ADGRE2: variants seen among roughly 807,000 people sequenced by gnomAD.
ADGRE2 encodes the protein CD97 antigen.
Under a neutral mutation model 100.8 loss-of-function variants are expected in ADGRE2, and 83 were observed. That is an observed-to-expected ratio of 0.82 (90% CI 0.69 to 0.99). The LOEUF (loss-of-function observed/expected upper bound fraction) is 0.99. ADGRE2 is among the 50% of genes least tolerant of loss of function. The pLI, the probability that ADGRE2 is intolerant of heterozygous loss-of-function variation, is 0.00. For missense variants in ADGRE2, 814 were observed against 1,035.7 expected, an observed-to-expected ratio of 0.79 and a Z score of 2.94; for synonymous variants, 355 against 413.0, an observed-to-expected ratio of 0.86 and a Z score of 1.70.
chr19:14,753,154 C>T (rs1450094783), intron 14 of ADGRE2, among the ~76,000 whole-genome samples: 1 of 151,934 alleles, frequency 6.6e-6, no homozygotes, highest in Non-Finnish European at 1.5e-5. Flanking sequence ...GTGATCCTCC[C>T]GTTTCAGCCT....
chr19:14,774,435 G>C, intron 2 of ADGRE2, 129 bp from the exon 3 acceptor site: 1 of 1,502,060 alleles, frequency 6.7e-7, no homozygotes, highest in Non-Finnish European at 9.0e-7. Context: ...CGTTCAAACA[G>C]AGTGAGCAGA....
chr19:14,746,375 C>CTTT (rs34368264), intron 17 of ADGRE2, 52 bp from the exon 18 acceptor site: 10,207 of 773,620 alleles, frequency 0.013, 242 homozygotes, highest in East Asian at 0.023. Context: ...CCTGTTATCT[C>CTTT]TTTTTTTTTT....
Position 14,733,908 on chromosome 19 carries a change from G to A in ADGRE2, c.*2328C>T, listed in dbSNP as rs1339409413. 2 of 152,194 alleles carry A rather than the reference G, an allele frequency of 1.3e-5. No individual in the cohort carries two copies. Among genetic ancestry groups the A allele is most frequent in the Non-Finnish European group, 2.9e-5 (2 of 68,078 alleles). The allele number at this position is 152,194 out of a possible 1,614,324, so 9.4% of individuals were successfully genotyped here. A position where few individuals can be genotyped will look rare whatever the true frequency, so the allele number is the denominator to read the frequency against. ...AGGTTGCCAACAATGGTTACTTGGG[G>A]GGTAGCATTCAAAGTTCTCCAAAGC... On this transcript the variant is annotated 3_prime_UTR_variant, in exon 21 of 21. Coordinates refer to ENST00000315576, the MANE Select transcript of ADGRE2 (RefSeq NM_013447.4).
downstream of ADGRE2, among the ~76,000 whole-genome samples, chr19:14,729,754 A>G (rs996314004): frequency 6.6e-6 from 1 of 152,192 alleles, no homozygotes; most frequent in Admixed American, 6.5e-5. Flanking sequence ...AAATGCTAAG[A>G]GAGTGGATGT....
chr19:14,739,795 G>A (rs1324903545), intron 20 of ADGRE2, among the ~76,000 whole-genome samples: 2 of 152,132 alleles, frequency 1.3e-5, no homozygotes, highest in Non-Finnish European at 2.9e-5. Context: ...TATGAAGGCT[G>A]TAGGAGAGTC....
Position 14,752,332 on chromosome 19 carries a change from G to C in ADGRE2, c.1785C>G (p.His595Gln), listed in dbSNP as rs756366651. 2 of 1,613,984 alleles carry C rather than the reference G, an allele frequency of 1.2e-6. No individual in the cohort carries two copies. The highest frequency in any genetic ancestry group is 1.7e-5 in the Admixed American group (1 of 59,994). ...LFLVAIDQTG[H>Q]KVLCSIIAGT... ...TCTGGAACACCGCTGTCAATACCTT[G>C]TGTCCGGTTTGATCAATTGCCACGA... is the stretch of plus-strand genomic sequence containing the variant. The change falls in exon 15 of 21, where the codon CAC becomes CAG. Residue 595 changes from histidine to glutamine, a missense_variant. Transcript: ENST00000315576.
Position 14,767,161 on chromosome 19 carries a change from G to A in ADGRE2, c.356-52C>T, listed in dbSNP as rs374927028. 1.0e-4 allele frequency: 163 copies of A among 1,593,206 alleles called. 2 individuals are homozygous for A. Among genetic ancestry groups the A allele is most frequent in the Non-Finnish European group, 1.3e-4 (151 of 1,167,814 alleles). The stretch of plus-strand genomic sequence containing the variant: ...ATGCCCGTAGCTGTGAGCAGCTTTC[G>A]GGGCTGAGGGTCCGCCATGTTTCCT... On this transcript the variant is annotated intron_variant, in intron 5 of 20. Transcript: ENST00000315576.
At chr19:14,763,187 C>CA (rs2043791758) in intron 11 of ADGRE2, among the ~76,000 whole-genome samples, 1 of 151,796 alleles carries the variant, frequency 6.6e-6, no homozygotes, top group East Asian at 2.0e-4. Flanking sequence ...ACTAAAAATA[C>CA]AAAAAATTAG....
chr19:14,766,791 C>T, intron 6 of ADGRE2, among the ~76,000 whole-genome samples, 187 bp downstream of exon 6: 1 of 152,212 alleles, frequency 6.6e-6, no homozygotes, highest in East Asian at 1.9e-4. Context: ...CCCTGAAGGC[C>T]CTGCCGCCTC....
intron 2 of ADGRE2, among the ~76,000 whole-genome samples, chr19:14,775,226 A>G (rs1456305496): frequency 6.6e-6 from 1 of 151,752 alleles, no homozygotes; most frequent in East Asian, 1.9e-4. Context: ...GCTGGTCTTG[A>G]ACTCCTAACC....
intron 16 of ADGRE2, 101 bp downstream of exon 16, chr19:14,751,335 C>A: frequency 1.2e-6 from 1 of 800,636 alleles, no homozygotes; most frequent in South Asian, 1.6e-5. Context: ...AAAATCCCTA[C>A]TGATCTAATT....
At chr19:14,752,222 C>T (rs941732239) in intron 15 of ADGRE2, 107 bp downstream of exon 15, 5 of 1,404,268 alleles carry the variant, frequency 3.6e-6, no homozygotes, top group African/African-American at 1.4e-5. Context: ...CATGAGCCAC[C>T]ACGCCCAGCC....
intron 10 of ADGRE2, 102 bp from the exon 11 acceptor site, chr19:14,764,712 T>A: frequency 7.9e-7 from 1 of 1,263,278 alleles, no homozygotes; most frequent in African/African-American, 1.5e-5. Flanking sequence ...AGACTGTCTA[T>A]CTGGGGGATG....
In ADGRE2 at chr19:14,751,436, C is replaced by T. The variant is rs144670525; in HGVS notation, c.2024G>A (p.Arg675His). ...AAGGATTGTGAGAATTTGCACTAAC[C>T]GGGAAGGTGTTCCATAAAGGTGAGG... Reference protein sequence around the residue: ...SRPHLYGTPSRCWLQPEKGFI... With the variant: ...SRPHLYGTPSHCWLQPEKGFI... Residue 675 changes from arginine to histidine, a missense_variant and splice_region_variant, in exon 16 of 21, where the codon CGC becomes CAC. Transcript: ENST00000315576. 5.2e-5 allele frequency: 83 copies of T among 1,611,416 alleles called. No homozygotes were observed. Among genetic ancestry groups the T allele is most frequent in the Middle Eastern group, 1.7e-4 (1 of 6,042 alleles).
Position 14,763,684 on chromosome 19 carries a change from T to C in ADGRE2, c.1084+749A>G, listed in dbSNP as rs1380401661. Among the ~76,000 whole-genome samples the C allele has an allele frequency of 8.1e-3, 472 of 58,442 alleles. 4 individuals are homozygous for C. Among genetic ancestry groups the C allele is most frequent in the African/African-American group, 0.027 (444 of 16,298 alleles). 38.3% of individuals were successfully genotyped at this position (58,442 alleles called of 152,430 possible). On this transcript the variant is annotated intron_variant, in intron 11 of 20. Transcript: ENST00000315576. ...TCTCCTCCTCCTCTCCTCCTTCTCT[T>C]CTCCTCCTCTTCTCCTTCTCCTCCT...
intron 16 of ADGRE2, among the ~76,000 whole-genome samples, chr19:14,748,641 A>G (rs1161639365): frequency 6.6e-6 from 1 of 152,144 alleles, no homozygotes; most frequent in African/African-American, 2.4e-5. Context: ...ATCATGTACA[A>G]GTTTTTTTGT....
intron 16 of ADGRE2, among the ~76,000 whole-genome samples, chr19:14,751,024 G>T (rs1016996565): frequency 1.3e-5 from 2 of 151,890 alleles, no homozygotes; most frequent in Non-Finnish European, 2.9e-5. Context: ...TGTTGCCCAG[G>T]CTGGTCTCAA....
At chr19:14,738,179 T>G (rs765745883) in intron 20 of ADGRE2, among the ~76,000 whole-genome samples, 1 of 152,220 alleles carries the variant, frequency 6.6e-6, no homozygotes, top group South Asian at 2.1e-4. Flanking sequence ...AGAAACTATG[T>G]ACGTCTATTA....
In ADGRE2 at chr19:14,772,402, C is replaced by G. The variant is rs1316691934; in HGVS notation, c.295G>C (p.Gly99Arg). Residue 99 changes from glycine (G) to arginine (R), a missense_variant, in exon 5 of 21, where the codon GGA becomes CGA. Gly to Arg is a moderately radical substitution (Grantham distance 125, BLOSUM62 -2). Transcript: ENST00000315576. ...TTTGCCCCAGAAACAGGCTCATATCCTGGGCTGCACACGCAGTCGTAGCTC... is the reference window on the plus strand; with the variant it reads ...TTTGCCCCAGAAACAGGCTCATATCGTGGGCTGCACACGCAGTCGTAGCTC... ...EGSYDCVCSP[G>R]YEPVSGAKTF... 6.2e-7 allele frequency: 1 copy of G among 1,614,068 alleles called. No individual in the cohort carries two copies. Among genetic ancestry groups the G allele is most frequent in the Non-Finnish European group, 8.5e-7 (1 of 1,180,034 alleles).
Sources: allele counts gnomAD v4.1 joint callset (sites outside exome capture counted in the v4.1 genomes callset), GRCh38; gene constraint gnomAD v4.1.1; transcripts MANE v1.5; gene names NCBI Gene and HGNC (gene_info 2026-07-23, HGNC 2026-07-21).